The following PDE11A variants were observed in gnomAD, a reference collection of about 807,000 sequenced individuals.
PDE11A encodes the protein phosphodiesterase 11A, also known as dual 3',5'-cyclic-AMP and -GMP phosphodiesterase 11A.
Under a neutral mutation model 100.5 loss-of-function variants are expected in PDE11A, and 100 were observed. The observed-to-expected ratio is 1.00, with a 90% CI of 0.85 to 1.18. PDE11A has a LOEUF of 1.18. PDE11A is among the 50% of genes most tolerant of loss of function. The pLI is 0.00. For synonymous variants in PDE11A, 381 were observed against 420.8 expected (o/e 0.91, Z 1.16); for missense variants, 1,141 against 1,152.6 (o/e 0.99, Z 0.15).
chr2:177,928,609 T>C (rs894721487), intron 2 of PDE11A, among the ~76,000 whole-genome samples: 2 of 152,208 alleles, frequency 1.3e-5, no homozygotes, highest in Non-Finnish European at 2.9e-5. Flanking sequence ...AAGAATTAAC[T>C]TTGTTTAAAA....
intron 4 of PDE11A, among the ~76,000 whole-genome samples, chr2:177,880,024 T>C (rs2084303144): frequency 6.6e-6 from 1 of 152,210 alleles, no homozygotes; most frequent in African/African-American, 2.4e-5. Context: ...CAGCATTCCA[T>C]AGAATGCATT....
chr2:178,040,873 G>T (rs181751966), intron 1 of PDE11A, among the ~76,000 whole-genome samples: 2 of 152,070 alleles, frequency 1.3e-5, no homozygotes, highest in African/African-American at 4.8e-5. Flanking sequence ...TGACATGCAC[G>T]TAATTTAAAG....
chr2:177,930,860 C>G (rs1225828577), intron 2 of PDE11A, among the ~76,000 whole-genome samples: 1 of 152,134 alleles, frequency 6.6e-6, no homozygotes, highest in African/African-American at 2.4e-5. Flanking sequence ...ACTAAGGATC[C>G]AAAGAGGATG....
At chr2:178,053,143 G>C (rs1404915271) in intron 1 of PDE11A, among the ~76,000 whole-genome samples, 1 of 152,170 alleles carries the variant, frequency 6.6e-6, no homozygotes, top group Non-Finnish European at 1.5e-5. Context: ...GAATCCAGCA[G>C]CACATCAGAA....
chr2:178,098,586 G>A (rs954506600), intron 2 of PDE11A, among the ~76,000 whole-genome samples: 1 of 152,122 alleles, frequency 6.6e-6, no homozygotes, highest in African/African-American at 2.4e-5. Context: ...GAGGCACATG[G>A]ATATTCTTTA....
At chr2:177,905,035 A>G (rs2084760895) in intron 3 of PDE11A, 63 bp downstream of exon 3, 9 of 878,282 alleles carry the variant, frequency 1.0e-5, no homozygotes, top group Non-Finnish European at 1.6e-5. Context: ...TAAAAGACAT[A>G]ATGACTTACA....
intron 2 of PDE11A, among the ~76,000 whole-genome samples, chr2:178,102,762 T>C (rs113051076): frequency 2.0e-4 from 31 of 152,164 alleles, no homozygotes; most frequent in Non-Finnish European, 4.0e-4. Flanking sequence ...TAGTCCTTTA[T>C]TATGAGTCTC....
chr2:178,100,317 C>G (rs1235731376), intron 2 of PDE11A, among the ~76,000 whole-genome samples: 1 of 152,102 alleles, frequency 6.6e-6, no homozygotes, highest in Non-Finnish European at 1.5e-5. Context: ...ATATTCTATA[C>G]AAGTCATATG....
intron 12 of PDE11A, among the ~76,000 whole-genome samples, chr2:177,718,490 G>C (rs929654754): frequency 1.3e-5 from 2 of 152,224 alleles, no homozygotes; most frequent in African/African-American, 4.8e-5. Flanking sequence ...TGAGTAGGAA[G>C]AGATTGATAC....
At chr2:177,660,121 T>TCTC (rs2080462562) in intron 19 of PDE11A, among the ~76,000 whole-genome samples, 1 of 100,370 alleles carries the variant, frequency 1.0e-5, no homozygotes, top group Admixed American at 1.2e-4. Flanking sequence ...CTTTCTTTCT[T>TCTC]TCTTTCTTTC....
intron 10 of PDE11A, among the ~76,000 whole-genome samples, chr2:177,749,233 T>C (rs946541774): frequency 1.3e-5 from 2 of 150,532 alleles, no homozygotes; most frequent in African/African-American, 4.9e-5. Context: ...TGAGAGAGGG[T>C]CTCTCACACT....
chr2:177,806,070 A>T (rs927870961), intron 9 of PDE11A, among the ~76,000 whole-genome samples: 1 of 152,196 alleles, frequency 6.6e-6, no homozygotes, highest in Non-Finnish European at 1.5e-5. Context: ...TTTTCAAATG[A>T]TAGTATGGGT....
chr2:177,871,175 CT>C, intron 5 of PDE11A, among the ~76,000 whole-genome samples: 1 of 152,260 alleles, frequency 6.6e-6, no homozygotes, highest in Non-Finnish European at 1.5e-5. Context: ...GCACTTGGAT[CT>C]CTGTGGGTTA....
chr2:177,841,588 C>T (rs1256850491), intron 5 of PDE11A, among the ~76,000 whole-genome samples: 1 of 152,116 alleles, frequency 6.6e-6, no homozygotes, highest in Non-Finnish European at 1.5e-5. Flanking sequence ...ATGGAAAGGC[C>T]ATTGGATGCA....
intron 7 of PDE11A, among the ~76,000 whole-genome samples, chr2:177,819,854 C>T (rs923792563): frequency 4.5e-4 from 34 of 76,400 alleles, no homozygotes; most frequent in Non-Finnish European, 8.6e-4. Flanking sequence ...ATTTCTCTTT[C>T]TCTCTTTCTC....
chr2:178,087,388 C>T (rs889498818), intron 2 of PDE11A, among the ~76,000 whole-genome samples: 1 of 151,366 alleles, frequency 6.6e-6, no homozygotes, highest in African/African-American at 2.4e-5. Context: ...TATATATACA[C>T]AATTGAATAT....
intron 9 of PDE11A, among the ~76,000 whole-genome samples, chr2:177,780,594 T>C (rs1483780410): frequency 6.6e-6 from 1 of 152,258 alleles, no homozygotes; most frequent in Non-Finnish European, 1.5e-5. Context: ...TGAAAATCTG[T>C]TGTCTACTGT....
chr2:177,829,530 G>A (rs1057164608), intron 6 of PDE11A, among the ~76,000 whole-genome samples: 1 of 151,520 alleles, frequency 6.6e-6, no homozygotes, highest in Non-Finnish European at 1.5e-5. Context: ...TGCAACCTCC[G>A]CCTCCTGAGT....
intron 17 of PDE11A, among the ~76,000 whole-genome samples, chr2:177,673,692 T>TGTC (rs2080721656): frequency 6.6e-6 from 1 of 152,166 alleles, no homozygotes; most frequent in East Asian, 1.9e-4. Flanking sequence ...TGGGTATATT[T>TGTC]TGTCTGCTGG....
Sources: allele counts gnomAD v4.1 joint callset (sites outside exome capture counted in the v4.1 genomes callset), GRCh38; gene constraint gnomAD v4.1.1; transcripts MANE v1.5; gene names NCBI Gene and HGNC (gene_info 2026-07-23, HGNC 2026-07-21).